PDE11A: variants seen among roughly 807,000 people sequenced by gnomAD.
PDE11A encodes the protein dual 3',5'-cyclic-AMP and -GMP phosphodiesterase 11A.
Under a neutral mutation model 100.5 loss-of-function variants are expected in PDE11A, and 100 were observed. The observed-to-expected ratio is 1.00, with a 90% CI of 0.85 to 1.18. The LOEUF is 1.18. Ranked by LOEUF, PDE11A falls within the 50% of genes most tolerant of loss-of-function variation. The probability of loss-of-function intolerance (pLI) is 0.00; values close to 1 mark genes in which losing one functional copy is unlikely to be tolerated. For missense variants in PDE11A, 1,141 were observed against 1,152.6 expected, an observed-to-expected ratio of 0.99 and a Z score of 0.15; for synonymous variants, 381 against 420.8, an observed-to-expected ratio of 0.91 and a Z score of 1.16.
intron 2 of PDE11A, among the ~76,000 whole-genome samples, chr2:177,944,757 G>A (rs1227621442): frequency 6.6e-6 from 1 of 151,356 alleles, no homozygotes; most frequent in African/African-American, 2.4e-5. Flanking sequence ...TGGAGCCTCC[G>A]AGGCCGAGGA....
intron 4 of PDE11A, among the ~76,000 whole-genome samples, chr2:177,895,413 G>A (rs908562012): frequency 6.6e-6 from 1 of 152,054 alleles, no homozygotes; most frequent in African/African-American, 2.4e-5. Flanking sequence ...AATTAGCTGG[G>A]TATCGTGGTG....
chr2:177,813,117 G>A lies in PDE11A; in HGVS notation c.1737+3712C>T, dbSNP rs139732069. Among the ~76,000 whole-genome samples the A allele has an allele frequency of 1.6e-3, 238 of 152,322 alleles. 2 individuals are homozygous for A. The highest frequency in any genetic ancestry group is 5.5e-3 in the African/African-American group (229 of 41,580). On this transcript the variant is annotated intron_variant, in intron 9 of 19. Coordinates refer to ENST00000286063, the MANE Select transcript of PDE11A (RefSeq NM_016953.4). ...ACCACAATGCAGAACTCTTGGGGCT[G>A]CTGCTGGCTTATCCCTTTTAAACAC...
At chr2:177,633,836 T>C (rs2105436343) in intron 19 of PDE11A, among the ~76,000 whole-genome samples, 1 of 152,352 alleles carries the variant, frequency 6.6e-6, no homozygotes. Flanking sequence ...GTTTATGTTA[T>C]TTTCCTGCTA....
chr2:177,847,901 A>G (rs996745218), intron 5 of PDE11A, among the ~76,000 whole-genome samples: 2 of 152,046 alleles, frequency 1.3e-5, no homozygotes, highest in African/African-American at 4.8e-5. Context: ...TTAGACGAGT[A>G]CTCATGTACC....
At chr2:177,738,977 C>T (rs1287120693) in intron 10 of PDE11A, among the ~76,000 whole-genome samples, 1 of 152,206 alleles carries the variant, frequency 6.6e-6, no homozygotes. Flanking sequence ...ATCATATTCC[C>T]TTGTTTCTGC....
chr2:177,631,494 AAAAAAAAAAAAAAAAAAAATAT>A (rs1350188032), intron 19 of PDE11A, among the ~76,000 whole-genome samples: 1 of 24,532 alleles, frequency 4.1e-5, no homozygotes, highest in Non-Finnish European at 7.8e-5. Context: ...AAAAAAAAAA[AAAAAAAAAAAAAAAAAAAATAT>A]ATATATATAT....
chr2:177,664,932 A>G (rs1254924273), intron 18 of PDE11A, among the ~76,000 whole-genome samples: 1 of 152,110 alleles, frequency 6.6e-6, no homozygotes, highest in Non-Finnish European at 1.5e-5. Context: ...ATGTAGGAAA[A>G]TCCTGCATCG....
At chr2:178,094,216 C>T (rs28625201) in intron 2 of PDE11A, among the ~76,000 whole-genome samples, 2,336 of 151,996 alleles carry the variant, frequency 0.015, 54 homozygotes, top group African/African-American at 0.053. Flanking sequence ...TACATACACA[C>T]AGCAGAAAGG....
At chr2:178,083,894 A>C (rs1410407194) in intron 2 of PDE11A, among the ~76,000 whole-genome samples, 2 of 152,216 alleles carry the variant, frequency 1.3e-5, no homozygotes, top group Non-Finnish European at 2.9e-5. Flanking sequence ...GCTTGTAAAA[A>C]TTTAAACGTA....
At chr2:177,796,612 T>TG (rs953453107) in intron 9 of PDE11A, among the ~76,000 whole-genome samples, 6 of 152,160 alleles carry the variant, frequency 3.9e-5, no homozygotes, top group African/African-American at 1.4e-4. Context: ...TGGTTGGATT[T>TG]GGGGTGTGAT....
chr2:177,947,787 A>T (rs918389034), intron 2 of PDE11A, among the ~76,000 whole-genome samples: 35 of 264 alleles, frequency 0.13, no homozygotes, highest in Admixed American at 0.44. Flanking sequence ...TAAAAAAATA[A>T]AAAAATAAAA....
chr2:177,762,110 C>T (rs2082178559), intron 10 of PDE11A, among the ~76,000 whole-genome samples: 1 of 152,118 alleles, frequency 6.6e-6, no homozygotes, highest in South Asian at 2.1e-4. Flanking sequence ...TGGACAGGAG[C>T]AGGAGATGTT....
chr2:177,847,154 T>C (rs1342033916), intron 5 of PDE11A, among the ~76,000 whole-genome samples: 1 of 152,142 alleles, frequency 6.6e-6, no homozygotes. Context: ...TTGTTAATAG[T>C]CCTTTGGAGT....
chr2:177,725,056 A>G (rs1437611334), intron 12 of PDE11A, among the ~76,000 whole-genome samples: 5 of 152,118 alleles, frequency 3.3e-5, no homozygotes, highest in South Asian at 2.1e-4. Flanking sequence ...TTAATCACTG[A>G]TAAGATCAAA....
intron 15 of PDE11A, among the ~76,000 whole-genome samples, chr2:177,694,150 T>C (rs1469773170): frequency 6.6e-6 from 1 of 152,218 alleles, no homozygotes; most frequent in Non-Finnish European, 1.5e-5. Flanking sequence ...AGCATTAAGA[T>C]AAGAACAGAG....
At chr2:178,035,944 T>C (rs1344412965) in intron 1 of PDE11A, among the ~76,000 whole-genome samples, 14 of 152,196 alleles carry the variant, frequency 9.2e-5, no homozygotes, top group Admixed American at 5.2e-4. Context: ...GCTGGAAGCA[T>C]TCCCTTTGAA....
chr2:177,894,851 C>T (rs974871636), intron 4 of PDE11A, among the ~76,000 whole-genome samples: 4 of 152,172 alleles, frequency 2.6e-5, no homozygotes, highest in Admixed American at 6.5e-5. Context: ...AATCTCCAAA[C>T]CTACCTGTAA....
intron 2 of PDE11A, among the ~76,000 whole-genome samples, chr2:177,971,943 T>C (rs1441174420): frequency 6.6e-6 from 1 of 151,884 alleles, no homozygotes; most frequent in Non-Finnish European, 1.5e-5. Flanking sequence ...CTGGGCATAA[T>C]AAGAACTGGA....
At chr2:177,958,900 A>G (rs745948511) in intron 2 of PDE11A, among the ~76,000 whole-genome samples, 4 of 152,236 alleles carry the variant, frequency 2.6e-5, no homozygotes. Context: ...ATTGAACAAA[A>G]TTTATTGAGC....
Sources: allele counts gnomAD v4.1 joint callset (sites outside exome capture counted in the v4.1 genomes callset), GRCh38; gene constraint gnomAD v4.1.1; transcripts MANE v1.5; gene names NCBI Gene and HGNC (gene_info 2026-07-23, HGNC 2026-07-21).